The following NBPF11 variants were observed in gnomAD, a reference collection of about 807,000 sequenced individuals.
The protein encoded by NBPF11 is NBPF family member NBPF11.
A neutral mutation model predicts 93.9 loss-of-function variants in NBPF11; 72 were observed. The ratio of observed to expected loss-of-function variants is 0.77; its 90% CI spans 0.63 to 0.93. The LOEUF is 0.93. Ranked by LOEUF, NBPF11 falls within the 40% of genes least tolerant of loss-of-function variation. NBPF11 has a pLI of 0.00. For missense variants in NBPF11, 705 were observed against 802.2 expected, an observed-to-expected ratio of 0.88 and a Z score of 1.46; for synonymous variants, 224 against 304.9, an observed-to-expected ratio of 0.73 and a Z score of 2.76.
intron 5 of NBPF11, among the ~76,000 whole-genome samples, chr1:148,125,434 A>T (rs1668888825): frequency 6.6e-6 from 1 of 152,058 alleles, no homozygotes; most frequent in Admixed American, 6.5e-5. Flanking sequence ...TATTTCAAGG[A>T]CAAATATGTC....
At chr1:148,149,220 C>T (rs1647592902) in intron 1 of NBPF11, 6 of 1,548,962 alleles carry the variant, frequency 3.9e-6, no homozygotes, top group Non-Finnish European at 4.4e-6. Flanking sequence ...ACGGTGCCCA[C>T]CATGGACCTG....
At chr1:148,132,123 AAT>A (rs1345183884) in intron 4 of NBPF11, among the ~76,000 whole-genome samples, 1 of 138,794 alleles carries the variant, frequency 7.2e-6, no homozygotes, top group Admixed American at 7.0e-5. Flanking sequence ...ATCAGACTGC[AAT>A]ATATATATGT....
At chr1:148,129,132 T>TAA (rs1669782988) in intron 4 of NBPF11, among the ~76,000 whole-genome samples, 1 of 144,456 alleles carries the variant, frequency 6.9e-6, no homozygotes, top group African/African-American at 2.6e-5. Context: ...TATGTATTAT[T>TAA]TATATATACA....
intron 2 of NBPF11, among the ~76,000 whole-genome samples, chr1:148,138,933 A>G (rs1248580830): frequency 1.3e-5 from 2 of 151,458 alleles, no homozygotes; most frequent in Non-Finnish European, 2.9e-5. Context: ...TCTACCAAAA[A>G]TACAAACATT....
chr1:148,111,351 A>G (rs1282015662), intron 15 of NBPF11, among the ~76,000 whole-genome samples: 1 of 152,066 alleles, frequency 6.6e-6, no homozygotes, highest in Non-Finnish European at 1.5e-5. Flanking sequence ...TTCTCCTCCA[A>G]AGGATCGCAG....
intron 1 of NBPF11, chr1:148,149,313 A>C (rs1381488546): frequency 8.1e-6 from 13 of 1,596,868 alleles, no homozygotes; most frequent in Non-Finnish European, 1.0e-5. Flanking sequence ...GACACCAAGA[A>C]GACCTACTGC....
At chr1:148,143,317 G>A in intron 2 of NBPF11, 98 bp downstream of exon 2, 1 of 618,070 alleles carries the variant, frequency 1.6e-6, no homozygotes, top group Non-Finnish European at 2.2e-6. Flanking sequence ...AAGGCCCTGT[G>A]ATGTTTAGGG....
chr1:148,145,201 C>CTTTTTTTTTT (rs1190949525), intron 1 of NBPF11, among the ~76,000 whole-genome samples: 34 of 75,600 alleles, frequency 4.5e-4, no homozygotes, highest in Non-Finnish European at 5.1e-4. Flanking sequence ...TTTTTTCTTT[C>CTTTTTTTTTT]TTTTTTTTTT....
chr1:148,146,518 G>A lies in NBPF11; in HGVS notation c.-548-2832C>T, dbSNP rs1355728396. On this transcript the variant is annotated intron_variant, in intron 1 of 23. Transcript: ENST00000682118. ...CACCTACTCCCTGGTGCCTGAGCCC[G>A]AGCTGGGGCCTGGTGGGGCCGGGGC... is the stretch of plus-strand genomic sequence containing the variant. The A allele has an allele frequency of 6.2e-6, 10 of 1,603,472 alleles. No homozygotes were observed. In the South Asian group the frequency reaches 6.6e-5, roughly 11 times the overall value.
At chr1:148,143,246 G>A (rs1242864972) in intron 2 of NBPF11, among the ~76,000 whole-genome samples, 169 bp downstream of exon 2, 10 of 152,086 alleles carry the variant, frequency 6.6e-5, no homozygotes, top group East Asian at 1.9e-4. Context: ...GGCGGCACAC[G>A]CTGTGAATAT....
intron 4 of NBPF11, among the ~76,000 whole-genome samples, chr1:148,134,795 G>T (rs1670999354): frequency 1.3e-5 from 2 of 151,912 alleles, no homozygotes; most frequent in Admixed American, 6.5e-5. Flanking sequence ...CAGGCTGAGG[G>T]ACGATGCAAG....
At chr1:148,127,343 C>A in intron 4 of NBPF11, 1 of 97,460 alleles carries the variant, frequency 1.0e-5, no homozygotes, top group South Asian at 8.1e-5. Context: ...TCTTAGGAGC[C>A]CTGCATTCCA....
At chr1:148,132,144 GTATATATA>G (rs1302793020) in intron 4 of NBPF11, among the ~76,000 whole-genome samples, 10 of 137,572 alleles carry the variant, frequency 7.3e-5, no homozygotes, top group Non-Finnish European at 1.6e-5. Flanking sequence ...GTGTGTGTGT[GTATATATA>G]TATATATATA....
chr1:148,152,168 C>T lies in NBPF11; in HGVS notation c.-967G>A, dbSNP rs1648550345. On this transcript the variant is annotated 5_prime_UTR_variant, in exon 1 of 24. Transcript: ENST00000682118. ...TCCGCCTCTCTTTCAAAGCACCAGC[C>T]CTTGACCCTGCAATTCGCTGATTTC... 1 of 152,242 alleles carries T rather than the reference C, an allele frequency of 6.6e-6. No individual in the cohort carries two copies. The highest frequency in any genetic ancestry group is 6.5e-5 in the Admixed American group (1 of 15,290). 9.4% of individuals were successfully genotyped at this position (152,242 alleles called of 1,614,324 possible). A position where few individuals can be genotyped will look rare whatever the true frequency, so the allele number is the denominator to read the frequency against.
intron 1 of NBPF11, chr1:148,146,485 C>A (rs1367451266): frequency 1.9e-6 from 3 of 1,604,134 alleles, no homozygotes; most frequent in Non-Finnish European, 2.5e-6. Flanking sequence ...CTTCCTGCCG[C>A]CGGAGGCCAC....
intron 1 of NBPF11, chr1:148,146,625 G>C (rs1673144358): frequency 5.0e-6 from 8 of 1,611,138 alleles, no homozygotes; most frequent in Non-Finnish European, 8.5e-7. Flanking sequence ...CCGACTTCCA[G>C]TACAGCCAGC....
intron 4 of NBPF11, among the ~76,000 whole-genome samples, chr1:148,133,449 G>T (rs1466432011): frequency 5.9e-5 from 9 of 152,060 alleles, no homozygotes; most frequent in Non-Finnish European, 1.3e-4. Flanking sequence ...GTTACCTGTG[G>T]GTTCTTCAAA....
chr1:148,136,530 A>T (rs1671314985), intron 3 of NBPF11, among the ~76,000 whole-genome samples: 1 of 151,190 alleles, frequency 6.6e-6, no homozygotes, highest in Non-Finnish European at 1.5e-5. Context: ...AAAAATGATA[A>T]ATAATAATGG....
intron 1 of NBPF11, chr1:148,146,356 G>C (rs1235037223): frequency 2.0e-6 from 3 of 1,481,314 alleles, no homozygotes; most frequent in Middle Eastern, 2.5e-4. Flanking sequence ...CGTTGTTGGC[G>C]GGGGCCCCGG....
Sources: allele counts gnomAD v4.1 joint callset (sites outside exome capture counted in the v4.1 genomes callset), GRCh38; gene constraint gnomAD v4.1.1; transcripts MANE v1.5; gene names NCBI Gene and HGNC (gene_info 2026-07-23, HGNC 2026-07-21).